Variants in CAMK1D observed in about 807,000 individuals in gnomAD.
CAMK1D encodes calcium/calmodulin dependent protein kinase ID, also known as calcium/calmodulin-dependent protein kinase type 1D.
In CAMK1D, 9 loss-of-function variants were observed where a neutral mutation model predicts 47.7. That is an observed-to-expected ratio of 0.19 (90% confidence interval 0.11 to 0.33). The LOEUF (loss-of-function observed/expected upper bound fraction) is 0.33. Among genes scored for constraint, CAMK1D ranks in the 10% least tolerant of loss-of-function variants. The probability of loss-of-function intolerance (pLI) is 1.00; values close to 1 mark genes in which losing one functional copy is unlikely to be tolerated. For synonymous variants in CAMK1D, 184 were observed against 184.9 expected (o/e 0.99, Z 0.04); for missense variants, 291 against 488.7 (o/e 0.60, Z 3.81).
chr10:12,807,987 C>G (rs1838811913), intron 6 of CAMK1D, among the ~76,000 whole-genome samples: 1 of 152,236 alleles, frequency 6.6e-6, no homozygotes. Context: ...CCCTGCCAGG[C>G]CTCACCTCAG....
At chr10:12,501,812 G>A (rs1434191722) in intron 1 of CAMK1D, among the ~76,000 whole-genome samples, 5 of 151,368 alleles carry the variant, frequency 3.3e-5, no homozygotes, top group Non-Finnish European at 7.4e-5. Flanking sequence ...CTGAGTGTCA[G>A]GGGTGCTTGG....
chr10:12,779,192 G>C (rs1345351775), intron 5 of CAMK1D, among the ~76,000 whole-genome samples: 1 of 152,192 alleles, frequency 6.6e-6, no homozygotes, highest in Non-Finnish European at 1.5e-5. Flanking sequence ...TATTGACCAA[G>C]ATTGGGAATC....
At chr10:12,728,756 C>T (rs1834764976) in intron 3 of CAMK1D, among the ~76,000 whole-genome samples, 2 of 152,196 alleles carry the variant, frequency 1.3e-5, no homozygotes, top group Non-Finnish European at 2.9e-5. Flanking sequence ...ATGCCTTGGC[C>T]GCTGAAGTCA....
At chr10:12,461,312 A>G (rs1386038488) in intron 1 of CAMK1D, among the ~76,000 whole-genome samples, 2 of 152,236 alleles carry the variant, frequency 1.3e-5, no homozygotes, top group Non-Finnish European at 2.9e-5. Flanking sequence ...ATAGGGTAGC[A>G]AAAGTAAGAA....
intron 1 of CAMK1D, among the ~76,000 whole-genome samples, chr10:12,432,148 AT>A (rs1832496811): frequency 6.6e-6 from 1 of 152,200 alleles, no homozygotes; most frequent in Non-Finnish European, 1.5e-5. Flanking sequence ...GGGAGCTCTA[AT>A]TTGCCTTTGG....
At chr10:12,479,640 C>T (rs1183787753) in intron 1 of CAMK1D, among the ~76,000 whole-genome samples, 1 of 152,214 alleles carries the variant, frequency 6.6e-6, no homozygotes, top group Non-Finnish European at 1.5e-5. Flanking sequence ...GTCTCTCGCC[C>T]CACAGGTGTG....
intron 1 of CAMK1D, among the ~76,000 whole-genome samples, chr10:12,523,050 C>T (rs577211041): frequency 5.3e-5 from 8 of 150,394 alleles, no homozygotes; most frequent in South Asian, 2.1e-4. Flanking sequence ...CGGGCGGAGA[C>T]GCTCCTCACT....
intron 4 of CAMK1D, among the ~76,000 whole-genome samples, 170 bp from the exon 5 acceptor site, chr10:12,769,503 G>C (rs548836999): frequency 6.6e-6 from 1 of 152,182 alleles, no homozygotes; most frequent in Non-Finnish European, 1.5e-5. Context: ...ACACTGTGCC[G>C]GGCGCTCTGC....
intron 3 of CAMK1D, among the ~76,000 whole-genome samples, chr10:12,691,043 A>G (rs899228196): frequency 6.6e-6 from 1 of 152,098 alleles, no homozygotes; most frequent in Non-Finnish European, 1.5e-5. Context: ...TGACAGGTCA[A>G]CACCATAGTT....
intron 3 of CAMK1D, among the ~76,000 whole-genome samples, chr10:12,734,403 T>G (rs11599866): frequency 0.84 from 56,551 of 67,382 alleles, 25,320 homozygotes; most frequent in Non-Finnish European, 0.95. Flanking sequence ...TATATATATA[T>G]ATACACACAC....
At chr10:12,818,290 G>C (rs1221546849) in intron 8 of CAMK1D, among the ~76,000 whole-genome samples, 1 of 152,120 alleles carries the variant, frequency 6.6e-6, no homozygotes, top group African/African-American at 2.4e-5. Flanking sequence ...TTATATTCCA[G>C]CACTGGGCTA....
chr10:12,389,493 T>C (rs1159283199), intron 1 of CAMK1D, among the ~76,000 whole-genome samples: 2 of 152,088 alleles, frequency 1.3e-5, no homozygotes, highest in African/African-American at 4.8e-5. Flanking sequence ...TCCAGGTGGT[T>C]TCATCCAGGC....
rs568230104 is a variant in CAMK1D at position 12,734,499 on chromosome 10, TACAC to T, written c.300-26441_300-26438del. Among the ~76,000 whole-genome samples the T allele has an allele frequency of 1.7e-4, 24 of 139,860 alleles. 1 individual carries two copies. Among genetic ancestry groups the T allele is most frequent in the African/African-American group, 6.5e-4 (23 of 35,324 alleles). The allele number at this position is 139,860 out of a possible 152,430, so 91.8% of individuals were successfully genotyped here. On this transcript the variant is annotated intron_variant, in intron 3 of 10. Coordinates refer to ENST00000619168, the MANE Select transcript of CAMK1D (RefSeq NM_153498.4). ...GTATATATACACATATGTATATATA[TACAC>T]ACACACATATATATACACGTATATA...
chr10:12,655,730 G>C (rs1840098835), intron 2 of CAMK1D, among the ~76,000 whole-genome samples: 1 of 152,218 alleles, frequency 6.6e-6, no homozygotes, highest in Non-Finnish European at 1.5e-5. Flanking sequence ...TTCTAGACAA[G>C]AGCAAATCAC....
At position 12,691,368 on chromosome 10, in the gene CAMK1D, TA is replaced by T. The variant is rs1832883760; in HGVS notation, c.299+24559del. 6.4e-3 allele frequency among the ~76,000 whole-genome samples: 68 copies of T among 10,578 alleles called. 2 individuals are homozygous for T. The highest frequency in any genetic ancestry group is 0.026 in the African/African-American group (65 of 2,524). 6.9% of individuals were successfully genotyped at this position (10,578 alleles called of 152,430 possible). A position where few individuals can be genotyped will look rare whatever the true frequency, so the allele number is the denominator to read the frequency against. On this transcript the variant is annotated intron_variant, in intron 3 of 10. Transcript: ENST00000619168. ...AGTTTTCTATATATATATATATATA[TA>T]TATATATAAATATATATATATATAT...
chr10:12,451,299 G>A (rs1833076186), intron 1 of CAMK1D, among the ~76,000 whole-genome samples: 1 of 152,358 alleles, frequency 6.6e-6, no homozygotes, highest in East Asian at 1.9e-4. Context: ...CAAGAGAAAG[G>A]AGGGAGAAGG....
intron 1 of CAMK1D, among the ~76,000 whole-genome samples, chr10:12,447,658 T>C (rs1354314267): frequency 2.0e-5 from 3 of 152,172 alleles, no homozygotes; most frequent in African/African-American, 4.8e-5. Context: ...GCCAAGATTG[T>C]GCCACAGCAT....
intron 2 of CAMK1D, among the ~76,000 whole-genome samples, chr10:12,594,180 A>G (rs892044958): frequency 2.0e-5 from 3 of 152,190 alleles, no homozygotes; most frequent in Non-Finnish European, 4.4e-5. Context: ...TTCTGTCATT[A>G]TAAGAGGTGA....
chr10:12,689,869 G>T (rs1258661523), intron 3 of CAMK1D, among the ~76,000 whole-genome samples: 1 of 152,068 alleles, frequency 6.6e-6, no homozygotes, highest in Non-Finnish European at 1.5e-5. Context: ...GGGAAAATGA[G>T]GTCTATGTTG....
Sources: allele counts gnomAD v4.1 joint callset (sites outside exome capture counted in the v4.1 genomes callset), GRCh38; gene constraint gnomAD v4.1.1; transcripts MANE v1.5; gene names NCBI Gene and HGNC (gene_info 2026-07-23, HGNC 2026-07-21).